MAP4: variants seen among roughly 807,000 people sequenced by gnomAD.
MAP4 encodes the protein microtubule-associated protein 4.
MAP4 carries 76 observed loss-of-function variants against 170.2 expected under a neutral mutation model. That is an observed-to-expected ratio of 0.45 (90% confidence interval 0.37 to 0.54). The LOEUF (loss-of-function observed/expected upper bound fraction) is 0.54, where lower values mean the gene tolerates loss of function less well. Ranked by LOEUF, MAP4 falls within the 20% of genes least tolerant of loss-of-function variation. The pLI is 0.00. For missense variants in MAP4, 2,506 were observed against 2,748.0 expected, an observed-to-expected ratio of 0.91 and a Z score of 1.97; for synonymous variants, 909 against 994.5, an observed-to-expected ratio of 0.91 and a Z score of 1.62.
At chr3:47,930,801 T>C (rs1207449260) in intron 3 of MAP4, among the ~76,000 whole-genome samples, 2 of 150,914 alleles carry the variant, frequency 1.3e-5, no homozygotes, top group South Asian at 2.1e-4. Flanking sequence ...TGGTGGAGGA[T>C]GCCTGTAGTC....
chr3:48,045,871 A>G (rs1448973834), intron 1 of MAP4, among the ~76,000 whole-genome samples: 1 of 152,062 alleles, frequency 6.6e-6, no homozygotes, highest in Non-Finnish European at 1.5e-5. Flanking sequence ...GCCTTAGCCA[A>G]TTGTCACACT....
At chr3:47,942,935 C>T (rs2100057412) in intron 3 of MAP4, among the ~76,000 whole-genome samples, 1 of 152,030 alleles carries the variant, frequency 6.6e-6, no homozygotes, top group Non-Finnish European at 1.5e-5. Context: ...TGTAGCAAGA[C>T]CCCAACCTCT....
chr3:47,891,241 T>C, intron 10 of MAP4: 1 of 1,536,260 alleles, frequency 6.5e-7, no homozygotes, highest in Non-Finnish European at 8.7e-7. Flanking sequence ...GGAGATATAA[T>C]CCAGCAGTGC....
intron 1 of MAP4, among the ~76,000 whole-genome samples, chr3:48,088,455 G>A (rs985280091): frequency 3.3e-5 from 5 of 151,846 alleles, no homozygotes; most frequent in African/African-American, 1.2e-4. Context: ...CTCGCTCCGC[G>A]GCTCAGCCCC....
chr3:47,993,029 C>A (rs1434917123), intron 2 of MAP4, among the ~76,000 whole-genome samples: 1 of 151,922 alleles, frequency 6.6e-6, no homozygotes, highest in East Asian at 1.9e-4. Context: ...ATGAATTCTG[C>A]TAAAATTGAA....
Position 47,852,831 on chromosome 3 carries a change from G to A in MAP4, c.*103C>T, listed in dbSNP as rs1346699726. The A allele has an allele frequency of 1.3e-6, 2 of 1,552,438 alleles. No homozygotes were observed. Among genetic ancestry groups the A allele is most frequent in the East Asian group, 2.4e-5 (1 of 40,916 alleles). ...GGGAAAGGGGGCCAAGGACCCGGGA[G>A]CCCGAGTTGGGGCCGCCAGGGAAGT... On this transcript the variant is annotated 3_prime_UTR_variant, in exon 21 of 21. Coordinates refer to ENST00000683076, the MANE Select transcript of MAP4 (RefSeq NM_001385682.1).
intron 3 of MAP4, among the ~76,000 whole-genome samples, chr3:47,941,574 G>A (rs1031718191): frequency 1.3e-5 from 2 of 150,764 alleles, no homozygotes; most frequent in East Asian, 2.0e-4. Flanking sequence ...TCAGGAGTTC[G>A]AGACCAGCCT....
intron 3 of MAP4, among the ~76,000 whole-genome samples, chr3:47,933,970 G>A (rs1347923046): frequency 6.6e-6 from 1 of 152,142 alleles, no homozygotes; most frequent in Non-Finnish European, 1.5e-5. Context: ...GTGAAATTGG[G>A]TTAATTATGT....
intron 1 of MAP4, among the ~76,000 whole-genome samples, chr3:48,034,994 CAG>C (rs1253427001): frequency 3.9e-5 from 6 of 151,982 alleles, no homozygotes; most frequent in African/African-American, 1.5e-4. Context: ...GCCTGGGAGA[CAG>C]AGAGTGAGAC....
intron 1 of MAP4, among the ~76,000 whole-genome samples, chr3:48,044,566 C>A (rs2100123401): frequency 6.6e-6 from 1 of 151,752 alleles, no homozygotes; most frequent in African/African-American, 2.4e-5. Context: ...AGTTCGAGAC[C>A]ACCCTGGCCA....
chr3:47,942,650 G>A (rs530337873), intron 3 of MAP4, among the ~76,000 whole-genome samples: 2 of 152,224 alleles, frequency 1.3e-5, no homozygotes, highest in African/African-American at 4.8e-5. Context: ...ACACATGTGA[G>A]AACATCTTAG....
chr3:47,857,673 A>G (rs2058909806), intron 17 of MAP4, among the ~76,000 whole-genome samples, 161 bp from the exon 18 acceptor site: 2 of 150,862 alleles, frequency 1.3e-5, no homozygotes, highest in African/African-American at 4.8e-5. Flanking sequence ...CTAAGTACTT[A>G]AAAGAGCCCT....
chr3:48,001,381 T>C (rs2100099063), intron 1 of MAP4, among the ~76,000 whole-genome samples: 1 of 152,150 alleles, frequency 6.6e-6, no homozygotes. Context: ...ATCTAAAAAT[T>C]TCAAATAAAT....
Position 47,880,690 on chromosome 3 carries a change from C to T in MAP4, c.5435-3167G>A, listed in dbSNP as rs75041657. Among the ~76,000 whole-genome samples, 382 of 152,106 alleles carry T rather than the reference C, an allele frequency of 2.5e-3. 18 individuals are homozygous for T. The East Asian group carries it at 0.065, about 26-fold the overall frequency. On this transcript the variant is annotated intron_variant, in intron 10 of 20. Coordinates refer to ENST00000683076, the MANE Select transcript of MAP4 (RefSeq NM_001385682.1). Reference sequence around the variant, plus strand: ...GTCTTGCCATGTGGCCCAAACTGACCGGTCTCAAGCAGTCCTCCCACATCA... The same window carrying T: ...GTCTTGCCATGTGGCCCAAACTGACTGGTCTCAAGCAGTCCTCCCACATCA...
chr3:47,988,191 C>T lies in MAP4; in HGVS notation c.224-10258G>A, dbSNP rs540329352. On this transcript the variant is annotated intron_variant, in intron 2 of 20. Transcript: ENST00000683076. ...CCTGGGTGACATAGCAAGACTCCGT[C>T]TCAAAAAAAAAAAAAAAGAAAGCAA... Among the ~76,000 whole-genome samples the T allele has an allele frequency of 2.1e-5, 3 of 141,334 alleles. No individual in the cohort carries two copies. The East Asian group carries it at 6.2e-4, about 29-fold the overall frequency. 92.7% of individuals were successfully genotyped at this position (141,334 alleles called of 152,430 possible).
chr3:47,965,693 G>A (rs1039057647), intron 3 of MAP4, among the ~76,000 whole-genome samples: 1 of 151,970 alleles, frequency 6.6e-6, no homozygotes, highest in African/African-American at 2.4e-5. Flanking sequence ...GGCAATTTTT[G>A]TATCTTTTAT....
chr3:47,925,785 T>G (rs1416085463), intron 4 of MAP4, among the ~76,000 whole-genome samples: 1 of 152,198 alleles, frequency 6.6e-6, no homozygotes, highest in African/African-American at 2.4e-5. Flanking sequence ...AATAAAAGTG[T>G]TCTAAAATTG....
chr3:47,890,678 G>A (rs2098395323), intron 10 of MAP4, among the ~76,000 whole-genome samples: 1 of 152,134 alleles, frequency 6.6e-6, no homozygotes, highest in Non-Finnish European at 1.5e-5. Context: ...GGGAGCTGAG[G>A]GCTGGGTGGA....
intron 11 of MAP4, 61 bp downstream of exon 11, chr3:47,877,353 ACAG>A (rs1475607852): frequency 9.8e-6 from 12 of 1,219,482 alleles, no homozygotes; most frequent in Non-Finnish European, 1.5e-5. Context: ...TCAAGCAATA[ACAG>A]CAGAAGATAC....
Sources: allele counts gnomAD v4.1 joint callset (sites outside exome capture counted in the v4.1 genomes callset), GRCh38; gene constraint gnomAD v4.1.1; transcripts MANE v1.5; gene names NCBI Gene and HGNC (gene_info 2026-07-23, HGNC 2026-07-21).